The following FNDC3A variants were observed in gnomAD, a reference collection of about 807,000 sequenced individuals.
The protein encoded by FNDC3A is fibronectin type-III domain-containing protein 3A.
Under a neutral mutation model 148.9 loss-of-function variants are expected in FNDC3A, and 32 were observed. The observed-to-expected ratio is 0.21, with a 90% CI of 0.16 to 0.29. The LOEUF is 0.29. Among genes scored for constraint, FNDC3A ranks in the 10% least tolerant of loss-of-function variants. FNDC3A has a pLI of 1.00. For missense variants in FNDC3A, 1,191 were observed against 1,452.8 expected (o/e 0.82, Z 2.93); for synonymous variants, 472 against 473.6 (o/e 1.00, Z 0.04).
chr13:49,191,177 T>G, intron 18 of FNDC3A, 32 bp from the exon 19 acceptor site: 6 of 1,605,106 alleles, frequency 3.7e-6, no homozygotes, highest in Non-Finnish European at 5.1e-6. Flanking sequence ...GTATTCGTCT[T>G]GTTAAATTGC....
At chr13:49,182,554 T>C (rs1375602726) in intron 14 of FNDC3A, among the ~76,000 whole-genome samples, 1 of 152,060 alleles carries the variant, frequency 6.6e-6, no homozygotes, top group East Asian at 1.9e-4. Context: ...TTTCTTTTTT[T>C]TTTTCCAGTC....
intron 1 of FNDC3A, among the ~76,000 whole-genome samples, chr13:49,003,069 A>G (rs1952154976): frequency 6.6e-6 from 1 of 151,600 alleles, no homozygotes; most frequent in African/African-American, 2.4e-5. Flanking sequence ...TTCATTTTCC[A>G]CTTTTTTTAT....
chr13:49,172,234 G>A, intron 11 of FNDC3A, 138 bp downstream of exon 11: 3 of 489,314 alleles, frequency 6.1e-6, no homozygotes, highest in Non-Finnish European at 1.1e-5. Flanking sequence ...GTGCATGAGT[G>A]GATTGATGGT....
intron 2 of FNDC3A, among the ~76,000 whole-genome samples, chr13:49,058,605 C>A (rs1161171685): frequency 2.0e-5 from 3 of 152,280 alleles, no homozygotes; most frequent in Non-Finnish European, 4.4e-5. Context: ...TGGCGGTCTT[C>A]CGTAAGCCAA....
At chr13:49,018,619 G>A (rs1419215104) in intron 2 of FNDC3A, among the ~76,000 whole-genome samples, 6 of 152,276 alleles carry the variant, frequency 3.9e-5, no homozygotes, top group African/African-American at 1.4e-4. Context: ...GTCATTCTCT[G>A]TCCAGCTTTG....
At chr13:49,161,509 C>T (rs1247456918) in intron 8 of FNDC3A, among the ~76,000 whole-genome samples, 1 of 151,708 alleles carries the variant, frequency 6.6e-6, no homozygotes, top group Non-Finnish European at 1.5e-5. Context: ...ATGTATTCAG[C>T]AGATGGGACC....
At chr13:49,174,718 AAG>A (rs1203539114) in intron 12 of FNDC3A, among the ~76,000 whole-genome samples, 159 bp downstream of exon 12, 1 of 152,234 alleles carries the variant, frequency 6.6e-6, no homozygotes, top group Non-Finnish European at 1.5e-5. Context: ...CAAAAGCTAT[AAG>A]AGAGTTAGTT....
chr13:49,186,971 C>T, intron 15 of FNDC3A, 151 bp from the exon 16 acceptor site: 1 of 496,278 alleles, frequency 2.0e-6, no homozygotes, highest in Non-Finnish European at 3.6e-6. Flanking sequence ...AAGCAGATGA[C>T]AACAGCATGG....
chr13:49,064,405 C>CG (rs1399103689), intron 2 of FNDC3A, among the ~76,000 whole-genome samples: 1 of 77,264 alleles, frequency 1.3e-5, no homozygotes. Flanking sequence ...CCCCCCGCCC[C>CG]CCCCCCAAAA....
intron 8 of FNDC3A, among the ~76,000 whole-genome samples, chr13:49,155,460 C>CA (rs1314312862): frequency 1.4e-5 from 2 of 146,884 alleles, no homozygotes; most frequent in Admixed American, 6.8e-5. Flanking sequence ...TTGATCCTTT[C>CA]AAAAAACCAG....
rs139510266 is a variant in FNDC3A, at chr13:48,985,620, A to G, written c.-40+9443A>G. Among the ~76,000 whole-genome samples the G allele has an allele frequency of 3.4e-3, 511 of 152,356 alleles. 6 individuals are homozygous for G. The highest frequency in any genetic ancestry group is 1.0e-3 in the Non-Finnish European group (69 of 68,036). The stretch of plus-strand genomic sequence containing the variant: ...ATTTTACATGAAAGGGCGAGATACA[A>G]TATAATACATACACAAAGACACAAT... On this transcript the variant is annotated intron_variant, in intron 1 of 25. Transcript: ENST00000492622.
At chr13:49,200,670 C>T (rs140544921) in intron 23 of FNDC3A, among the ~76,000 whole-genome samples, 2 of 151,988 alleles carry the variant, frequency 1.3e-5, no homozygotes, top group East Asian at 3.8e-4. Flanking sequence ...ACTTAATATT[C>T]AGCTAGCATC....
chr13:49,158,106 G>C (rs374510663), intron 8 of FNDC3A, among the ~76,000 whole-genome samples: 1 of 152,202 alleles, frequency 6.6e-6, no homozygotes, highest in South Asian at 2.1e-4. Context: ...AATGGCGGGC[G>C]CCCCTCCCCC....
At chr13:49,081,920 C>T (rs1878498539) in intron 3 of FNDC3A, among the ~76,000 whole-genome samples, 2 of 151,032 alleles carry the variant, frequency 1.3e-5, no homozygotes, top group South Asian at 2.1e-4. Context: ...TTGTGTTACT[C>T]AGGATTTTGT....
intron 19 of FNDC3A, among the ~76,000 whole-genome samples, chr13:49,193,457 C>T (rs1228924819): frequency 6.6e-6 from 1 of 151,990 alleles, no homozygotes; most frequent in African/African-American, 2.4e-5. Context: ...GATGGGGGTC[C>T]CCTTATGTTT....
intron 8 of FNDC3A, among the ~76,000 whole-genome samples, chr13:49,151,926 G>A (rs527622426): frequency 1.5e-3 from 233 of 152,256 alleles, no homozygotes; most frequent in Admixed American, 2.4e-3. Context: ...TTTTATGGCT[G>A]CATAGTATTC....
chr13:49,148,776 T>C lies in FNDC3A; in HGVS notation c.977+2841T>C, dbSNP rs570989329. 2.6e-5 allele frequency among the ~76,000 whole-genome samples: 4 copies of C among 152,312 alleles called. No homozygotes were observed. In the East Asian group the frequency reaches 7.7e-4, roughly 29 times the overall value. ...GTATTTTGATAGGGATTCCATTGAA[T>C]ATAAATTGCTTTGGACAGTATGTTC... On this transcript the variant is annotated intron_variant, in intron 8 of 25. Transcript: ENST00000492622.
Position 49,174,467 on chromosome 13 carries a change from C to T in FNDC3A, c.1263C>T (p.Tyr421=), listed in dbSNP as rs1400376558. The change falls in exon 12 of 26, where the codon TAC becomes TAT. Residue 421 remains tyrosine, a synonymous_variant. Coordinates refer to ENST00000492622, the MANE Select transcript of FNDC3A (RefSeq NM_001079673.2). ...GKGNGEFCQC[Y]MGSQKQFKIT... is the part of the protein sequence containing the mutation. Reference sequence around the variant, plus strand: ...GAAATGGAGAATTTTGTCAGTGTTACATGGGCTCACAGAAACAATTTAAAA... The same window carrying T: ...GAAATGGAGAATTTTGTCAGTGTTATATGGGCTCACAGAAACAATTTAAAA... The T allele has an allele frequency of 1.2e-6, 2 of 1,611,716 alleles. No individual in the cohort carries two copies. Among genetic ancestry groups the T allele is most frequent in the Non-Finnish European group, 8.5e-7 (1 of 1,178,042 alleles).
chr13:48,993,970 AATG>A (rs1284574135), intron 1 of FNDC3A, among the ~76,000 whole-genome samples: 12 of 152,216 alleles, frequency 7.9e-5, no homozygotes, highest in African/African-American at 2.7e-4. Context: ...GTTTCACTAG[AATG>A]ATATTACATT....
Sources: gnomAD v4.1 joint callset for allele counts (sites outside exome capture counted in the v4.1 genomes callset) on GRCh38, gnomAD v4.1.1 for gene constraint, MANE v1.5 for transcripts, NCBI Gene and HGNC (gene_info 2026-07-23, HGNC 2026-07-21) for gene names.